Variants in TRHDE observed in about 807,000 individuals in gnomAD.
TRHDE encodes the protein thyrotropin releasing hormone degrading enzyme.
TRHDE carries 72 observed loss-of-function variants against 125.7 expected under a neutral mutation model. The ratio of observed to expected loss-of-function variants is 0.57; its 90% CI spans 0.47 to 0.70. The LOEUF (loss-of-function observed/expected upper bound fraction) is 0.70, where lower values mean the gene tolerates loss of function less well. TRHDE is among the 30% of genes least tolerant of loss of function. TRHDE has a pLI of 0.00. For missense variants in TRHDE, 1,110 were observed against 1,327.1 expected (o/e 0.84, Z 2.54); for synonymous variants, 509 against 509.1 (o/e 1.00, Z 0.00).
chr12:72,273,935 A>G lies in TRHDE; in HGVS notation c.914+378A>G. 1 of 208,778 alleles carries G rather than the reference A, an allele frequency of 4.8e-6. No individual in the cohort carries two copies. Among genetic ancestry groups the G allele is most frequent in the Non-Finnish European group, 9.7e-6 (1 of 102,642 alleles). The allele number at this position is 208,778 out of a possible 1,614,324, so 12.9% of individuals were successfully genotyped here. On this transcript the variant is annotated intron_variant, in intron 1 of 18. Transcript: ENST00000261180. This position sits in a 1 kb window ranked among gnomAD's most constrained non-coding sequence, Gnocchi z 5.3. The stretch of plus-strand genomic sequence containing the variant: ...GCTTGCCAAGTTACTGTCGAGGGAA[A>G]ATACGTGGCGCTGAAGGCCAAGACA...
intron 2 of TRHDE, among the ~76,000 whole-genome samples, chr12:72,365,014 C>G (rs973124527): frequency 4.6e-5 from 7 of 152,078 alleles, no homozygotes; most frequent in African/African-American, 1.7e-4. Context: ...GGATTAAATG[C>G]TACTGTTTTA....
chr12:72,463,671 A>T (rs1876232369), intron 3 of TRHDE, among the ~76,000 whole-genome samples: 1 of 152,208 alleles, frequency 6.6e-6, no homozygotes, highest in South Asian at 2.1e-4. Flanking sequence ...GAGGAGCTCA[A>T]AGCTGGGGCA....
chr12:72,366,001 A>AT (rs906324844), intron 2 of TRHDE, among the ~76,000 whole-genome samples: 7 of 151,430 alleles, frequency 4.6e-5, no homozygotes, highest in African/African-American at 1.2e-4. Context: ...GCATCTTCAC[A>AT]TTTTTTTCAC....
chr12:72,102,086 T>C (rs1309881424), intron 1 of TRHDE, among the ~76,000 whole-genome samples: 1 of 152,188 alleles, frequency 6.6e-6, no homozygotes, highest in Non-Finnish European at 1.5e-5. Context: ...AAGCAGTAAT[T>C]AAGCAAAATG....
intron 3 of TRHDE, among the ~76,000 whole-genome samples, chr12:72,449,893 C>T (rs1393591232): frequency 6.6e-6 from 1 of 151,910 alleles, no homozygotes; most frequent in Non-Finnish European, 1.5e-5. Context: ...TTTCCCTCTC[C>T]TTCCTCACTT....
chr12:72,583,810 A>C (rs1871332460), intron 12 of TRHDE, among the ~76,000 whole-genome samples: 1 of 152,020 alleles, frequency 6.6e-6, no homozygotes. Context: ...GTGGAGTCAC[A>C]GATGTTGTCC....
At chr12:72,304,616 A>G (rs1235443103) in intron 2 of TRHDE, among the ~76,000 whole-genome samples, 2 of 152,182 alleles carry the variant, frequency 1.3e-5, no homozygotes, top group Non-Finnish European at 2.9e-5. Context: ...ACACAGTCAA[A>G]CAACTGTCTC....
intron 2 of TRHDE, among the ~76,000 whole-genome samples, chr12:72,344,272 G>T (rs1870214300): frequency 6.6e-6 from 1 of 152,110 alleles, no homozygotes; most frequent in South Asian, 2.1e-4. Context: ...TCTCATAGAG[G>T]TAAAGTGTAC....
chr12:72,259,942 T>C (rs558271931), intron 2 of TRHDE, among the ~76,000 whole-genome samples: 188 of 152,338 alleles, frequency 1.2e-3, no homozygotes, highest in African/African-American at 4.2e-3. Context: ...ATGTAGTGAA[T>C]TGGTAACAGT....
chr12:72,579,247 G>A (rs1402009772), intron 12 of TRHDE, among the ~76,000 whole-genome samples: 2 of 151,642 alleles, frequency 1.3e-5, no homozygotes, highest in Non-Finnish European at 2.9e-5. Flanking sequence ...ATGTGTGAGC[G>A]GGCCCAATTT....
intron 2 of TRHDE, among the ~76,000 whole-genome samples, chr12:72,310,273 G>A (rs1381657246): frequency 6.6e-6 from 1 of 152,214 alleles, no homozygotes; most frequent in Non-Finnish European, 1.5e-5. Flanking sequence ...GCCTTAATAT[G>A]TGCCAATAGC....
intron 6 of TRHDE, among the ~76,000 whole-genome samples, chr12:72,515,851 T>C (rs1878825079): frequency 6.6e-6 from 1 of 151,174 alleles, no homozygotes; most frequent in Admixed American, 6.6e-5. Flanking sequence ...GTTTCAGCTT[T>C]CTACATATGG....
chr12:72,629,713 C>A (rs540910142), intron 15 of TRHDE, among the ~76,000 whole-genome samples: 14 of 151,542 alleles, frequency 9.2e-5, no homozygotes, highest in African/African-American at 3.1e-4. Flanking sequence ...TGACAGATTG[C>A]GTATAAAACT....
intron 3 of TRHDE, among the ~76,000 whole-genome samples, chr12:72,390,892 T>A (rs981360297): frequency 5.9e-5 from 9 of 152,150 alleles, no homozygotes; most frequent in Admixed American, 6.5e-5. Context: ...GAAGCAGAGG[T>A]ACTATTGTAA....
chr12:72,642,598 T>A (rs1326897112), intron 15 of TRHDE, among the ~76,000 whole-genome samples: 1 of 152,156 alleles, frequency 6.6e-6, no homozygotes, highest in Non-Finnish European at 1.5e-5. Flanking sequence ...GCTAACTCAT[T>A]GTTCATGTTT....
intron 3 of TRHDE, among the ~76,000 whole-genome samples, chr12:72,440,321 A>G (rs1296648292): frequency 6.6e-6 from 1 of 151,754 alleles, no homozygotes. Context: ...GTTTTTCTTT[A>G]AACATTTTAC....
intron 2 of TRHDE, chr12:72,167,608 G>A (rs1876780568): frequency 6.6e-6 from 1 of 152,156 alleles, no homozygotes; most frequent in South Asian, 2.1e-4. Flanking sequence ...AGCAGTTGCT[G>A]TATACAATGA....
chr12:72,382,442 CT>C (rs1341841265), intron 3 of TRHDE, among the ~76,000 whole-genome samples: 2 of 152,036 alleles, frequency 1.3e-5, no homozygotes, highest in African/African-American at 4.8e-5. Context: ...GGAGACAGGC[CT>C]GTAGTATAAC....
chr12:72,411,229 A>C (rs1442432847), intron 3 of TRHDE, among the ~76,000 whole-genome samples: 1 of 151,692 alleles, frequency 6.6e-6, no homozygotes, highest in Admixed American at 6.6e-5. Context: ...AAACCATACA[A>C]AATTGCAACT....
Sources: allele counts gnomAD v4.1 joint callset (sites outside exome capture counted in the v4.1 genomes callset), GRCh38; gene constraint gnomAD v4.1.1; non-coding constraint Gnocchi (gnomAD v3.1); transcripts MANE v1.5; gene names NCBI Gene and HGNC (gene_info 2026-07-23, HGNC 2026-07-21).